TERT: variants seen among roughly 807,000 people sequenced by gnomAD.
TERT encodes telomerase reverse transcriptase.
TERT carries 42 observed loss-of-function variants against 104.0 expected under a neutral mutation model. The observed-to-expected ratio is 0.40, with a 90% CI of 0.32 to 0.52. The LOEUF (loss-of-function observed/expected upper bound fraction) is 0.52, where lower values mean the gene tolerates loss of function less well. Ranked by LOEUF, TERT falls within the 20% of genes least tolerant of loss-of-function variation. The pLI is 0.43. For missense variants in TERT, 1,101 were observed against 1,610.3 expected, an observed-to-expected ratio of 0.68 and a Z score of 5.41; for synonymous variants, 781 against 725.6, an observed-to-expected ratio of 1.08 and a Z score of -1.23.
At chr5:1,289,065 G>A (rs149010482) in intron 2 of TERT, among the ~76,000 whole-genome samples, 6 of 152,136 alleles carry the variant, frequency 3.9e-5, no homozygotes, top group South Asian at 2.1e-4. Context: ...GTGAGCAAAC[G>A]CCAAGGACAC....
At chr5:1,275,817 A>AC (rs1268263671) in intron 6 of TERT, among the ~76,000 whole-genome samples, 3 of 119,564 alleles carry the variant, frequency 2.5e-5, no homozygotes, top group African/African-American at 6.7e-5. Context: ...ATCCCCACCT[A>AC]CCCCACACAT....
chr5:1,294,717 G>T, intron 1 of TERT, 51 bp from the exon 2 acceptor site: 1 of 1,573,640 alleles, frequency 6.4e-7, no homozygotes, highest in Non-Finnish European at 8.6e-7. Context: ...CATGTCGCTG[G>T]TTCCCCCCGG....
In TERT at chr5:1,293,322, T is replaced by G. The variant is rs200864183; in HGVS notation, c.1564A>C (p.Arg522=). 1.8e-5 allele frequency: 29 copies of G among 1,613,034 alleles called. No homozygotes were observed. The East Asian group carries it at 5.8e-4, about 32-fold the overall frequency. The change falls in exon 2 of 16, where the codon AGG becomes CGG. Residue 522 remains arginine (R), a synonymous_variant. Coordinates refer to ENST00000310581, the MANE Select transcript of TERT (RefSeq NM_198253.3). ...MSVRDCAWLR[R]SPGVGCVPAA... The stretch of plus-strand genomic sequence containing the variant: ...GCCACCACCTCCTCACCTGGGCTCC[T>G]GCGCAGCCAAGCGCAGTCCCGCACG...
At position 1,255,402 on chromosome 5, in the gene TERT, T is replaced by C. The variant is rs1337149388; in HGVS notation, c.3042A>G (p.Ala1014=). 2.8e-5 allele frequency: 46 copies of C among 1,614,180 alleles called. No homozygotes were observed. The highest frequency in any genetic ancestry group is 3.6e-5 in the Non-Finnish European group (43 of 1,180,020). Residue 1014 remains alanine (A), a synonymous_variant, in exon 14 of 16, where the codon GCA becomes GCG. Transcript: ENST00000310581. The surrounding 1 kb of genome is among the most constrained non-coding windows in gnomAD (Gnocchi z 6.9). ...ILLLQAYRFH[A]CVLQLPFHQQ... ...GATGAAATGGGAGCTGCAGCACACA[T>C]GCGTGAAACCTGAGAGGATGGCGGA...
chr5:1,281,367 A>G (rs1449237724), intron 3 of TERT, among the ~76,000 whole-genome samples: 1 of 151,876 alleles, frequency 6.6e-6, no homozygotes, highest in Admixed American at 6.6e-5. Flanking sequence ...CTCTGCAGAC[A>G]TCCTGATTTG....
At chr5:1,289,330 G>A (rs1249668366) in intron 2 of TERT, among the ~76,000 whole-genome samples, 1 of 144,646 alleles carries the variant, frequency 6.9e-6, no homozygotes, top group African/African-American at 2.6e-5. Context: ...AGAGACACCC[G>A]GGGACAGTGC....
chr5:1,256,774 C>T lies in TERT; in HGVS notation c.3033-1363G>A, dbSNP rs1402818106. ...AGGTCCCGGGGTTGCCACACGGCCA[C>T]GCTCCTGACCCAGGAGGGAAACACC... On this transcript the variant is annotated intron_variant, in intron 13 of 15. Transcript: ENST00000310581. The surrounding 1 kb of genome is among the most constrained non-coding windows in gnomAD (Gnocchi z 7.0). Among the ~76,000 whole-genome samples, 2 of 152,220 alleles carry T rather than the reference C, an allele frequency of 1.3e-5. No individual in the cohort carries two copies. The highest frequency in any genetic ancestry group is 2.4e-5 in the African/African-American group (1 of 41,454).
rs1579555793 is a variant in TERT, at chr5:1,264,468, G to A, written c.2779C>T (p.Leu927=). The A allele has an allele frequency of 1.2e-6, 2 of 1,613,874 alleles. No homozygotes were observed. The highest frequency in any genetic ancestry group is 2.2e-5 in the East Asian group (1 of 44,870). Residue 927 remains leucine (L), a synonymous_variant, in exon 11 of 16, where the codon CTA becomes TTA. Transcript: ENST00000310581. ...TAFVQMPAHG[L]FPWCGLLLDT... is the part of the protein sequence containing the mutation. The stretch of plus-strand genomic sequence containing the variant: ...AGCAGCAGGCCGCACCAGGGGAATA[G>A]GCCGTGGGCCGGCATCTGAACAAAA...
At chr5:1,282,361 C>A (rs565603681) in intron 3 of TERT, 68 bp downstream of exon 3, 27 of 1,531,968 alleles carry the variant, frequency 1.8e-5, no homozygotes, top group Non-Finnish European at 2.3e-5. Flanking sequence ...TGGAGACAGG[C>A]GCATGCTGAG....
In TERT at chr5:1,293,837, A is replaced by T. The variant is rs1486854283; in HGVS notation, c.1049T>A (p.Leu350Gln). ...QLRPSFLLSS[L>Q]RPSLTGARRL... ...CCGAGCGCCAGTCAGGCTGGGCCTC[A>T]GAGAGCTGAGTAGGAAGGAGGGCCG... is the stretch of plus-strand genomic sequence containing the variant. Residue 350 changes from leucine (L) to glutamine (Q), a missense_variant, in exon 2 of 16, where the codon CTG becomes CAG. By Grantham distance (113) the Leu-to-Gln change is moderately radical. Around this residue, in one of 5 missense-constraint regions of TERT, gnomAD observed 504 missense variants for 544.6 expected, o/e 0.93. Transcript: ENST00000310581. 6.5e-7 allele frequency: 1 copy of T among 1,548,876 alleles called. No individual in the cohort carries two copies. The highest frequency in any genetic ancestry group is 8.7e-7 in the Non-Finnish European group (1 of 1,147,030).
intron 4 of TERT, 114 bp downstream of exon 4, chr5:1,280,043 TG>T: frequency 7.3e-7 from 1 of 1,371,016 alleles, no homozygotes; most frequent in African/African-American, 1.4e-5. Flanking sequence ...CGCCGTGCCA[TG>T]GCCCTGGCTG....
Position 1,288,672 on chromosome 5 carries a change from T to A in TERT, c.1573+4641A>T, listed in dbSNP as rs1351190746. 1.3e-5 allele frequency among the ~76,000 whole-genome samples: 2 copies of A among 152,136 alleles called. No homozygotes were observed. Among genetic ancestry groups the A allele is most frequent in the South Asian group, 4.1e-4 (2 of 4,830 alleles). On this transcript the variant is annotated intron_variant, in intron 2 of 15. Coordinates refer to ENST00000310581, the MANE Select transcript of TERT (RefSeq NM_198253.3). This position sits in a 1 kb window ranked among gnomAD's most constrained non-coding sequence, Gnocchi z 5.3. Reference sequence around the variant, plus strand: ...AGGGGGCTGGGGTGACTTGCTTTCCTTCAGGGCACAGAGAACCCTTTCTGG... The same window carrying A: ...AGGGGGCTGGGGTGACTTGCTTTCCATCAGGGCACAGAGAACCCTTTCTGG...
intron 6 of TERT, among the ~76,000 whole-genome samples, chr5:1,275,953 C>T (rs1561200658): frequency 2.0e-5 from 3 of 147,088 alleles, no homozygotes; most frequent in East Asian, 2.1e-4. Context: ...AAAACCAACT[C>T]CACAGATCCC....
At position 1,280,302 on chromosome 5, in the gene TERT, C is replaced by T. The variant is rs773873942; in HGVS notation, c.1806G>A (p.Ser602=). ...HLKRVQLREL[S]EAEVRQHREA... is the part of the protein sequence containing the mutation. ...CCCGATGCTGCCTGACCTCTGCTTC[C>T]GACAGCTCCCGCAGCTGCACCCTCT... The change falls in exon 4 of 16, where the codon TCG becomes TCA. Residue 602 remains serine (S), a synonymous_variant. Transcript: ENST00000310581. The T allele has an allele frequency of 8.7e-6, 14 of 1,613,402 alleles. No homozygotes were observed. Among genetic ancestry groups the T allele is most frequent in the East Asian group, 4.5e-5 (2 of 44,896 alleles).
chr5:1,294,114 G>A lies in TERT; in HGVS notation c.772C>T (p.His258Tyr), dbSNP rs1751206811. 6.3e-7 allele frequency: 1 copy of A among 1,585,010 alleles called. No individual in the cohort carries two copies. Among genetic ancestry groups the A allele is most frequent in the Non-Finnish European group, 8.6e-7 (1 of 1,168,140 alleles). The change falls in exon 2 of 16, where the codon CAC (histidine) becomes TAC (tyrosine). Residue 258 changes from histidine (H) to tyrosine (Y), a missense_variant. His to Tyr is a moderately conservative substitution (Grantham distance 83). This residue lies in a region of TERT where 504 missense variants were observed against 544.6 expected (regional missense o/e 0.93). Transcript: ENST00000310581. The part of the protein sequence containing the change: ...RTPVGQGSWA[H>Y]PGRTRGPSDR... ...CTCGGTCCACGCGTCCTGCCCGGGT[G>A]GGCCCAGGACCCCTGCCCAACGGGC...
At chr5:1,280,082 T>G (rs1157079384) in intron 4 of TERT, 76 bp downstream of exon 4, 13 of 1,586,594 alleles carry the variant, frequency 8.2e-6, no homozygotes, top group Non-Finnish European at 1.0e-5. Flanking sequence ...TCCGGGCCCT[T>G]CATCTAAGCT....
chr5:1,264,556 C>G lies in TERT; in HGVS notation c.2691G>C (p.Val897=). 1 of 1,614,018 alleles carries G rather than the reference C, an allele frequency of 6.2e-7. No homozygotes were observed. The highest frequency in any genetic ancestry group is 2.2e-5 in the East Asian group (1 of 44,892). The change falls in exon 11 of 16, where the codon GTG becomes GTC. Residue 897 remains valine (V), a synonymous_variant. Transcript: ENST00000310581. The part of the protein sequence containing the change: ...LVRGVPEYGC[V]VNLRKTVVNF... ...TCACCACTGTCTTCCGCAAGTTCAC[C>G]ACGCAGCCATACTCAGGGACACCTC...
chr5:1,274,199 C>T lies in TERT; in HGVS notation c.2287-1919G>A, dbSNP rs1749370580. 6.6e-6 allele frequency among the ~76,000 whole-genome samples: 1 copy of T among 152,194 alleles called. No individual in the cohort carries two copies. Among genetic ancestry groups the T allele is most frequent in the African/African-American group, 2.4e-5 (1 of 41,450 alleles). On this transcript the variant is annotated intron_variant, in intron 6 of 15. Coordinates refer to ENST00000310581, the MANE Select transcript of TERT (RefSeq NM_198253.3). This position sits in a 1 kb window ranked among gnomAD's most constrained non-coding sequence, Gnocchi z 5.3. The stretch of plus-strand genomic sequence containing the variant: ...CTGGCGGCAGGGCCGTGGGCTAAAA[C>T]CACATCGAGTACGATTCAACCCTGA...
chr5:1,255,521 T>C lies in TERT; in HGVS notation c.3033-110A>G, dbSNP rs367686050. 6 of 1,404,620 alleles carry C rather than the reference T, an allele frequency of 4.3e-6. No individual in the cohort carries two copies. The East Asian group carries it at 1.2e-4, about 27-fold the overall frequency. 87.0% of individuals were successfully genotyped at this position (1,404,620 alleles called of 1,614,324 possible). A position where few individuals can be genotyped will look rare whatever the true frequency, so the allele number is the denominator to read the frequency against. ...GTGTGCGTGCATGAATGCACATGCA[T>C]GGGTTTCCTCATGGGCACAGGTGCA... is the stretch of plus-strand genomic sequence containing the variant. On this transcript the variant is annotated intron_variant, in intron 13 of 15. Coordinates refer to ENST00000310581, the MANE Select transcript of TERT (RefSeq NM_198253.3). This position sits in a 1 kb window ranked among gnomAD's most constrained non-coding sequence, Gnocchi z 6.9.
Sources: allele counts gnomAD v4.1 joint callset (sites outside exome capture counted in the v4.1 genomes callset), GRCh38; gene constraint gnomAD v4.1.1; regional missense constraint gnomAD v4.1.1; non-coding constraint Gnocchi (gnomAD v3.1); transcripts MANE v1.5; gene names NCBI Gene and HGNC (gene_info 2026-07-23, HGNC 2026-07-21).